Variants in LRBA observed in about 807,000 individuals in gnomAD.
The protein encoded by LRBA is LPS responsive beige-like anchor protein.
In LRBA, 176 loss-of-function variants were observed where a neutral mutation model predicts 330.0. The observed-to-expected ratio is 0.53, with a 90% CI of 0.47 to 0.60. The LOEUF is 0.60. LRBA is among the 20% of genes least tolerant of loss of function. The pLI is 0.00. For missense variants in LRBA, 3,259 were observed against 3,444.8 expected, an observed-to-expected ratio of 0.95 and a Z score of 1.35; for synonymous variants, 1,230 against 1,193.0, an observed-to-expected ratio of 1.03 and a Z score of -0.64.
chr4:150,956,561 CA>C (rs1016284828), intron 2 of LRBA, among the ~76,000 whole-genome samples: 9 of 148,890 alleles, frequency 6.0e-5, no homozygotes, highest in Admixed American at 5.9e-4. Context: ...CAAGATCAGA[CA>C]AAACCATCAC....
At chr4:150,285,000 C>T (rs1207826363) in intron 54 of LRBA, among the ~76,000 whole-genome samples, 2 of 152,052 alleles carry the variant, frequency 1.3e-5, no homozygotes, top group Non-Finnish European at 2.9e-5. Flanking sequence ...TGGCTCAGGA[C>T]GTATGAAATT....
intron 53 of LRBA, among the ~76,000 whole-genome samples, chr4:150,298,785 CA>C (rs1729284899): frequency 6.6e-6 from 1 of 151,944 alleles, no homozygotes; most frequent in African/African-American, 2.4e-5. Flanking sequence ...TCAATCAAAT[CA>C]AAACCAGAAT....
chr4:150,961,410 T>A (rs1390240576), intron 2 of LRBA, among the ~76,000 whole-genome samples: 1 of 149,110 alleles, frequency 6.7e-6, no homozygotes, highest in Non-Finnish European at 1.5e-5. Context: ...CATGATATCC[T>A]GAGAAAACTT....
chr4:150,994,826 AC>A (rs1341855174), intron 2 of LRBA, among the ~76,000 whole-genome samples: 2 of 152,210 alleles, frequency 1.3e-5, no homozygotes, highest in Non-Finnish European at 2.9e-5. Context: ...GAATATTAAA[AC>A]AAAAATAGTA....
chr4:150,855,857 A>G (rs561132032), intron 22 of LRBA, among the ~76,000 whole-genome samples: 1 of 152,330 alleles, frequency 6.6e-6, no homozygotes, highest in South Asian at 2.1e-4. Flanking sequence ...TTAAAGAGCA[A>G]TACTGCCACA....
intron 47 of LRBA, among the ~76,000 whole-genome samples, chr4:150,371,757 T>C (rs1740364761): frequency 6.6e-6 from 1 of 152,038 alleles, no homozygotes; most frequent in Non-Finnish European, 1.5e-5. Context: ...TAGGTAAAAA[T>C]GTGACTCACA....
At chr4:150,616,629 G>C (rs1775795566) in intron 37 of LRBA, among the ~76,000 whole-genome samples, 1 of 152,136 alleles carries the variant, frequency 6.6e-6, no homozygotes, top group Admixed American at 6.5e-5. Flanking sequence ...TGGTGACCTT[G>C]AAAAGAACAG....
In LRBA at chr4:150,828,318, A is replaced by C; in HGVS notation, c.5033T>G (p.Val1678Gly). ...PSVSVSKNVN[V>G]KDILRSLVNI... Reference sequence around the variant, plus strand: ...AACCAAGCTTCGGAGAATGTCTTTCACATTGACGTTTTTTGAAACTGAAAC... The same window carrying C: ...AACCAAGCTTCGGAGAATGTCTTTCCCATTGACGTTTTTTGAAACTGAAAC... Residue 1678 changes from valine (V) to glycine (G), a missense_variant, in exon 30 of 57, where the codon GTG (valine) becomes GGG (glycine). Transcript: ENST00000651943. 1 of 1,614,140 alleles carries C rather than the reference A, an allele frequency of 6.2e-7. No homozygotes were observed. The highest frequency in any genetic ancestry group is 1.6e-4 in the Middle Eastern group (1 of 6,062).
intron 47 of LRBA, among the ~76,000 whole-genome samples, chr4:150,402,910 T>G (rs1414808145): frequency 6.6e-6 from 1 of 152,112 alleles, no homozygotes; most frequent in Non-Finnish European, 1.5e-5. Flanking sequence ...CTTCTTCCTT[T>G]TTCTTTTTTT....
chr4:150,598,718 A>G (rs1773784469), intron 38 of LRBA, among the ~76,000 whole-genome samples: 1 of 152,198 alleles, frequency 6.6e-6, no homozygotes, highest in African/African-American at 2.4e-5. Flanking sequence ...ATTTACTCAA[A>G]GCTGAATGTG....
intron 40 of LRBA, among the ~76,000 whole-genome samples, chr4:150,520,396 T>C (rs981415093): frequency 6.6e-6 from 1 of 152,162 alleles, no homozygotes; most frequent in African/African-American, 2.4e-5. Context: ...TTTTATTTTT[T>C]TTTCCTTAGG....
At chr4:150,661,038 C>G in intron 37 of LRBA, among the ~76,000 whole-genome samples, 1 of 111,508 alleles carries the variant, frequency 9.0e-6, no homozygotes. Context: ...AAATCCCCCT[C>G]TGTGAGAAAC....
intron 36 of LRBA, among the ~76,000 whole-genome samples, chr4:150,695,450 GTAACTGGGAC>G (rs1291099705): frequency 6.6e-6 from 1 of 152,122 alleles, no homozygotes; most frequent in African/African-American, 2.4e-5. Flanking sequence ...AGCCTCATGA[GTAACTGGGAC>G]TACATGCACA....
At chr4:150,452,212 A>G (rs1279155424) in intron 44 of LRBA, among the ~76,000 whole-genome samples, 2 of 152,218 alleles carry the variant, frequency 1.3e-5, no homozygotes, top group Non-Finnish European at 2.9e-5. Flanking sequence ...AATACATCAC[A>G]ATCTGGTTTA....
At chr4:150,606,629 A>T (rs953165104) in intron 37 of LRBA, among the ~76,000 whole-genome samples, 1 of 152,204 alleles carries the variant, frequency 6.6e-6, no homozygotes, top group Non-Finnish European at 1.5e-5. Flanking sequence ...CAACCCTGCC[A>T]TGATTAAATA....
At position 150,908,742 on chromosome 4, in the gene LRBA, G is replaced by A. The variant is rs1228911794; in HGVS notation, c.1277C>T (p.Thr426Ile). The change falls in exon 10 of 57, where the codon ACA becomes ATA. Residue 426 changes from threonine (T) to isoleucine (I), a missense_variant. Transcript: ENST00000651943. ...AIAFTYNPRA[T>I]DAQLCLESSP... The stretch of plus-strand genomic sequence containing the variant: ...TGATTCAAGACAAAGCTGGGCATCT[G>A]TAGCCCGTGGATTGTACGTGAATGC... The A allele has an allele frequency of 6.2e-7, 1 of 1,613,820 alleles. No homozygotes were observed. The highest frequency in any genetic ancestry group is 8.5e-7 in the Non-Finnish European group (1 of 1,179,828).
intron 40 of LRBA, among the ~76,000 whole-genome samples, chr4:150,514,609 T>C (rs1293292506): frequency 6.6e-6 from 1 of 152,162 alleles, no homozygotes; most frequent in African/African-American, 2.4e-5. Context: ...ACCGGAACAC[T>C]TTCCTTCTGT....
chr4:150,740,331 AATAAGG>A (rs1231799172), intron 35 of LRBA, among the ~76,000 whole-genome samples: 1 of 152,194 alleles, frequency 6.6e-6, no homozygotes, highest in Non-Finnish European at 1.5e-5. Flanking sequence ...CTGAAAGTTA[AATAAGG>A]ATAAGAACAG....
At chr4:150,624,046 CATT>C (rs1776581664) in intron 37 of LRBA, among the ~76,000 whole-genome samples, 1 of 152,120 alleles carries the variant, frequency 6.6e-6, no homozygotes, top group African/African-American at 2.4e-5. Context: ...GAACAGATTA[CATT>C]ATTGTTTTCA....
Sources: gnomAD v4.1 joint callset for allele counts (sites outside exome capture counted in the v4.1 genomes callset) on GRCh38, gnomAD v4.1.1 for gene constraint, MANE v1.5 for transcripts, NCBI Gene and HGNC (gene_info 2026-07-23, HGNC 2026-07-21) for gene names.